Variants in SLC2A9 observed in about 807,000 individuals in gnomAD.
The protein encoded by SLC2A9 is solute carrier family 2 member 9, also known as solute carrier family 2, facilitated glucose transporter member 9.
Under a neutral mutation model 50.6 loss-of-function variants are expected in SLC2A9, and 39 were observed. That is an observed-to-expected ratio of 0.77 (90% CI 0.60 to 1.01). The LOEUF is 1.01. Among genes scored for constraint, SLC2A9 ranks in the 50% least tolerant of loss-of-function variants. The probability of loss-of-function intolerance (pLI) is 0.00; values close to 1 mark genes in which losing one functional copy is unlikely to be tolerated. For synonymous variants in SLC2A9, 324 were observed against 276.9 expected (o/e 1.17, Z -1.69); for missense variants, 686 against 677.6 (o/e 1.01, Z -0.14).
chr4:9,930,827 C>G (rs7698058), intron 6 of SLC2A9, among the ~76,000 whole-genome samples: 1,723 of 152,250 alleles, frequency 0.011, 47 homozygotes, highest in African/African-American at 0.039. Context: ...AGTGAGTTCC[C>G]CATCCCTGAA....
rs370190812 is a variant in SLC2A9 at position 9,841,979 on chromosome 4, C to T, written c.1292-6971G>A. On this transcript the variant is annotated intron_variant, in intron 10 of 11. Coordinates refer to ENST00000264784, the MANE Select transcript of SLC2A9 (RefSeq NM_020041.3). ...ATAAAATCTCCTTCTCTGGTCAGTG[C>T]TGTTTTCTAAAGAGTGGAGACAGAA... Among the ~76,000 whole-genome samples, 6 of 152,288 alleles carry T rather than the reference C, an allele frequency of 3.9e-5. No homozygotes were observed. The South Asian group carries it at 8.3e-4, about 21-fold the overall frequency.
At chr4:9,945,756 G>A (rs1223261872) in intron 5 of SLC2A9, among the ~76,000 whole-genome samples, 1 of 152,182 alleles carries the variant, frequency 6.6e-6, no homozygotes, top group Non-Finnish European at 1.5e-5. Context: ...GAGCTCCTGG[G>A]CACTTGGTCC....
At chr4:9,832,633 T>C (rs144757629) in intron 11 of SLC2A9, among the ~76,000 whole-genome samples, 3,426 of 152,306 alleles carry the variant, frequency 0.022, 71 homozygotes, top group Non-Finnish European at 0.038. Flanking sequence ...AAAAGGCTCA[T>C]AAATGACAGG....
intron 10 of SLC2A9, among the ~76,000 whole-genome samples, chr4:9,835,357 A>C (rs534266990): frequency 1.3e-5 from 2 of 152,190 alleles, no homozygotes; most frequent in East Asian, 3.9e-4. Context: ...GAGACCAGTG[A>C]TCACGCCCTG....
chr4:10,019,403 A>T (rs1763220129), intron 1 of SLC2A9: 1 of 413,114 alleles, frequency 2.4e-6, no homozygotes, highest in African/African-American at 2.0e-5. Context: ...CGAGTGTCCG[A>T]CCCAGACAGA....
intron 11 of SLC2A9, among the ~76,000 whole-genome samples, chr4:9,827,563 T>C (rs1456179601): frequency 6.6e-6 from 1 of 152,262 alleles, no homozygotes; most frequent in African/African-American, 2.4e-5. Context: ...AATGGCAAAG[T>C]GCTTAAGCTT....
chr4:10,013,053 G>C (rs1762031947), intron 2 of SLC2A9, among the ~76,000 whole-genome samples: 1 of 152,188 alleles, frequency 6.6e-6, no homozygotes, highest in Non-Finnish European at 1.5e-5. Flanking sequence ...AGAATGAATA[G>C]AGCCTAGCTA....
intron 3 of SLC2A9, among the ~76,000 whole-genome samples, chr4:9,809,648 C>A (rs1197390652): frequency 6.6e-6 from 1 of 152,170 alleles, no homozygotes; most frequent in African/African-American, 2.4e-5. Flanking sequence ...AGTTATTTAA[C>A]CTCAGTGAAT....
upstream of SLC2A9, chr4:10,025,740 T>C: frequency 1.6e-6 from 1 of 643,152 alleles, no homozygotes; most frequent in South Asian, 1.8e-5. Flanking sequence ...CACTCTACAA[T>C]CCCCATGGCT....
chr4:9,950,942 A>G lies in SLC2A9; in HGVS notation c.682-8897T>C, dbSNP rs1381518190. Among the ~76,000 whole-genome samples, 4 of 151,480 alleles carry G rather than the reference A, an allele frequency of 2.6e-5. 1 individual carries two copies. Among genetic ancestry groups the G allele is most frequent in the African/African-American group, 9.7e-5 (4 of 41,288 alleles). On this transcript the variant is annotated intron_variant, in intron 5 of 11. Coordinates refer to ENST00000264784, the MANE Select transcript of SLC2A9 (RefSeq NM_020041.3). ...AAAGAAAACAGTATGGAGATTTCTC[A>G]AAAAACTAAAAATACAATTACCATT...
chr4:9,937,860 T>C (rs1406349370), intron 6 of SLC2A9, among the ~76,000 whole-genome samples: 1 of 152,030 alleles, frequency 6.6e-6, no homozygotes, highest in Non-Finnish European at 1.5e-5. Context: ...GGAGTTTACC[T>C]CTGTTGCCCC....
chr4:9,911,117 C>T (rs1035628436), intron 7 of SLC2A9, among the ~76,000 whole-genome samples: 1 of 152,012 alleles, frequency 6.6e-6, no homozygotes, highest in African/African-American at 2.4e-5. Flanking sequence ...CCTGCACATT[C>T]TCCACAGGTA....
intron 5 of SLC2A9, among the ~76,000 whole-genome samples, chr4:9,955,745 G>T (rs1488355007): frequency 6.6e-6 from 1 of 151,956 alleles, no homozygotes; most frequent in African/African-American, 2.4e-5. Context: ...TGGATTTGCT[G>T]CCGCGGACAC....
chr4:9,968,043 G>A (rs1162417889), intron 5 of SLC2A9, among the ~76,000 whole-genome samples: 1 of 152,044 alleles, frequency 6.6e-6, no homozygotes, highest in African/African-American at 2.4e-5. Context: ...AAGCAACAAA[G>A]TTTTCTTGAA....
rs574866430 is a variant in SLC2A9 at position 9,922,330 on chromosome 4, G to C, written c.815-1758C>G. 2.7e-3 allele frequency among the ~76,000 whole-genome samples: 416 copies of C among 152,056 alleles called. 6 individuals carry two copies. Among genetic ancestry groups the C allele is most frequent in the African/African-American group, 9.8e-3 (406 of 41,452 alleles). Reference sequence around the variant, plus strand: ...CCAGAGCCCATTGGGGGGTGGGGTGGGGGGAGGGAGAGCATTAGAAAAAAT... The same window carrying C: ...CCAGAGCCCATTGGGGGGTGGGGTGCGGGGAGGGAGAGCATTAGAAAAAAT... On this transcript the variant is annotated intron_variant, in intron 6 of 11. Coordinates refer to ENST00000264784, the MANE Select transcript of SLC2A9 (RefSeq NM_020041.3).
chr4:9,882,011 T>C (rs2109651338), intron 10 of SLC2A9, among the ~76,000 whole-genome samples: 1 of 152,310 alleles, frequency 6.6e-6, no homozygotes, highest in South Asian at 2.1e-4. Context: ...GATTTAGGTG[T>C]CTTTGAATTT....
chr4:9,822,205 G>C (rs1004393164), downstream of SLC2A9, among the ~76,000 whole-genome samples: 1 of 151,916 alleles, frequency 6.6e-6, no homozygotes, highest in Admixed American at 6.6e-5. Context: ...TTTATCAATT[G>C]TATTGATCTT....
intron 10 of SLC2A9, among the ~76,000 whole-genome samples, chr4:9,862,873 G>A (rs1431391027): frequency 1.3e-5 from 2 of 151,974 alleles, no homozygotes; most frequent in Non-Finnish European, 2.9e-5. Flanking sequence ...GTCATTCGCT[G>A]GGGTATCTCC....
intron 3 of SLC2A9, among the ~76,000 whole-genome samples, chr4:9,802,288 A>G (rs1487491239): frequency 6.7e-6 from 1 of 150,132 alleles, no homozygotes; most frequent in Middle Eastern, 3.4e-3. Flanking sequence ...TTTTTAAACT[A>G]GAGCTCATAA....
Sources: allele counts gnomAD v4.1 joint callset (sites outside exome capture counted in the v4.1 genomes callset), GRCh38; gene constraint gnomAD v4.1.1; transcripts MANE v1.5; gene names NCBI Gene and HGNC (gene_info 2026-07-23, HGNC 2026-07-21).